Variants in SLC2A13 observed in about 807,000 individuals in gnomAD.
The protein encoded by SLC2A13 is solute carrier family 2 member 13, also known as proton myo-inositol cotransporter.
In SLC2A13, 32 loss-of-function variants were observed where a neutral mutation model predicts 64.4. That is an observed-to-expected ratio of 0.50 (90% confidence interval 0.37 to 0.67). The LOEUF (loss-of-function observed/expected upper bound fraction) is 0.67. SLC2A13 is among the 30% of genes least tolerant of loss of function. The pLI is 0.00. For missense variants in SLC2A13, 743 were observed against 829.2 expected, an observed-to-expected ratio of 0.90 and a Z score of 1.28; for synonymous variants, 338 against 327.1, an observed-to-expected ratio of 1.03 and a Z score of -0.36.
intron 4 of SLC2A13, among the ~76,000 whole-genome samples, chr12:39,905,377 G>T (rs1945243426): frequency 6.6e-6 from 1 of 152,070 alleles, no homozygotes; most frequent in African/African-American, 2.4e-5. Flanking sequence ...TGTGGGCCTG[G>T]CAACCTTCCT....
intron 3 of SLC2A13, among the ~76,000 whole-genome samples, chr12:40,010,852 C>T (rs1251194396): frequency 4.6e-5 from 7 of 152,170 alleles, no homozygotes; most frequent in African/African-American, 1.7e-4. Flanking sequence ...GACCGCATCA[C>T]AAGTGCCAGG....
intron 3 of SLC2A13, among the ~76,000 whole-genome samples, chr12:39,956,102 T>C (rs749544706): frequency 6.6e-6 from 1 of 152,178 alleles, no homozygotes; most frequent in Non-Finnish European, 1.5e-5. Flanking sequence ...TGAACAACTT[T>C]ATGCCATTAA....
chr12:40,059,306 G>A (rs772123606), intron 1 of SLC2A13, among the ~76,000 whole-genome samples: 13 of 152,276 alleles, frequency 8.5e-5, no homozygotes, highest in Non-Finnish European at 1.6e-4. Flanking sequence ...TATGCCAGAG[G>A]AGACAGAGGA....
chr12:40,082,716 C>T (rs1938452026), intron 1 of SLC2A13, among the ~76,000 whole-genome samples: 1 of 152,232 alleles, frequency 6.6e-6, no homozygotes, highest in Non-Finnish European at 1.5e-5. Flanking sequence ...CGCCAGACCC[C>T]TGGGGATCCA....
At chr12:40,092,420 T>C (rs960289892) in intron 1 of SLC2A13, among the ~76,000 whole-genome samples, 6 of 152,212 alleles carry the variant, frequency 3.9e-5, no homozygotes, top group African/African-American at 1.4e-4. Flanking sequence ...CCATCCAGAA[T>C]TAAATCTGGA....
At chr12:39,999,054 C>A (rs1362600173) in intron 3 of SLC2A13, among the ~76,000 whole-genome samples, 1 of 152,174 alleles carries the variant, frequency 6.6e-6, no homozygotes, top group Non-Finnish European at 1.5e-5. Flanking sequence ...GGACACTTAC[C>A]AGTTCCCAAA....
chr12:39,877,156 T>C (rs1386763101), intron 4 of SLC2A13, among the ~76,000 whole-genome samples: 1 of 152,184 alleles, frequency 6.6e-6, no homozygotes, highest in Non-Finnish European at 1.5e-5. Flanking sequence ...ACTCTATTAG[T>C]CTGCTCTTAT....
At chr12:39,965,557 A>G (rs1200803972) in intron 3 of SLC2A13, among the ~76,000 whole-genome samples, 1 of 152,170 alleles carries the variant, frequency 6.6e-6, no homozygotes, top group Non-Finnish European at 1.5e-5. Context: ...AACCAAAATA[A>G]TACTTCAAAA....
chr12:39,867,554 A>G (rs1425252479), intron 5 of SLC2A13, among the ~76,000 whole-genome samples: 1 of 152,202 alleles, frequency 6.6e-6, no homozygotes, highest in African/African-American at 2.4e-5. Flanking sequence ...GAGCTCTGCA[A>G]TATGGATAAT....
At chr12:40,046,980 C>T (rs1299951690) in intron 2 of SLC2A13, among the ~76,000 whole-genome samples, 1 of 151,876 alleles carries the variant, frequency 6.6e-6, no homozygotes, top group Non-Finnish European at 1.5e-5. Flanking sequence ...CAGCTCACTG[C>T]AACCTCCGCC....
At chr12:39,953,832 C>A (rs1378099351) in intron 3 of SLC2A13, among the ~76,000 whole-genome samples, 2 of 152,102 alleles carry the variant, frequency 1.3e-5, no homozygotes, top group Non-Finnish European at 2.9e-5. Context: ...TACCAAGTTG[C>A]TAAGTAACTT....
chr12:39,934,100 T>A (rs1945878615), intron 4 of SLC2A13, among the ~76,000 whole-genome samples: 1 of 152,202 alleles, frequency 6.6e-6, no homozygotes, highest in Non-Finnish European at 1.5e-5. Context: ...CCTAACTCCC[T>A]GTTAGTTGAT....
intron 5 of SLC2A13, among the ~76,000 whole-genome samples, chr12:39,866,707 C>G (rs1943921670): frequency 6.6e-6 from 1 of 152,160 alleles, no homozygotes; most frequent in Non-Finnish European, 1.5e-5. Context: ...TCTCGATCTC[C>G]TGACCTCGTG....
At chr12:39,929,972 A>C (rs1325179991) in intron 4 of SLC2A13, among the ~76,000 whole-genome samples, 2 of 151,944 alleles carry the variant, frequency 1.3e-5, no homozygotes, top group African/African-American at 4.8e-5. Flanking sequence ...CTCTACTAAA[A>C]ATACAAAAAT....
Position 39,812,413 on chromosome 12 carries a change from C to T in SLC2A13, c.1445+17690G>A, listed in dbSNP as rs181694665. On this transcript the variant is annotated intron_variant, in intron 7 of 9. Transcript: ENST00000280871. ...TTCTCTCTCTCTTTCTTCCTTCCTT[C>T]CTTCCTTCCTGCCTTCCTTCCTTTT... Among the ~76,000 whole-genome samples, 442 of 131,758 alleles carry T rather than the reference C, an allele frequency of 3.4e-3. 4 individuals carry two copies. Among genetic ancestry groups the T allele is most frequent in the Non-Finnish European group, 4.8e-3 (297 of 62,120 alleles). 86.4% of individuals were successfully genotyped at this position (131,758 alleles called of 152,430 possible).
chr12:39,780,937 T>A (rs1418521190), intron 7 of SLC2A13, among the ~76,000 whole-genome samples: 7 of 152,214 alleles, frequency 4.6e-5, no homozygotes, highest in Non-Finnish European at 1.0e-4. Context: ...GTGCCATTAG[T>A]TACTGACATA....
At chr12:40,067,898 T>C (rs759233613) in intron 1 of SLC2A13, among the ~76,000 whole-genome samples, 10 of 152,088 alleles carry the variant, frequency 6.6e-5, no homozygotes, top group Non-Finnish European at 1.0e-4. Flanking sequence ...CCGGTGAAAA[T>C]TGCTTATTCT....
intron 4 of SLC2A13, among the ~76,000 whole-genome samples, chr12:39,904,605 AC>A (rs1945217855): frequency 6.6e-6 from 1 of 152,056 alleles, no homozygotes; most frequent in African/African-American, 2.4e-5. Context: ...GGATATCCAC[AC>A]AGATGTTGCA....
intron 4 of SLC2A13, among the ~76,000 whole-genome samples, chr12:39,938,141 C>G (rs1054977654): frequency 3.3e-5 from 5 of 152,044 alleles, no homozygotes; most frequent in Admixed American, 2.6e-4. Flanking sequence ...ACACAGGGAG[C>G]AGAAGGAAAG....
Sources: gnomAD v4.1 joint callset for allele counts (sites outside exome capture counted in the v4.1 genomes callset) on GRCh38, gnomAD v4.1.1 for gene constraint, MANE v1.5 for transcripts, NCBI Gene and HGNC (gene_info 2026-07-23, HGNC 2026-07-21) for gene names.